Variants in DDR2 observed in about 807,000 individuals in gnomAD.
DDR2 encodes discoidin domain receptor tyrosine kinase 2.
In DDR2, 27 loss-of-function variants were observed where a neutral mutation model predicts 94.9. That is an observed-to-expected ratio of 0.28 (90% CI 0.21 to 0.39). DDR2 has a LOEUF of 0.39. DDR2 is among the 10% of genes least tolerant of loss of function. The pLI is 1.00. For missense variants in DDR2, 783 were observed against 1,076.0 expected (o/e 0.73, Z 3.81); for synonymous variants, 382 against 377.2 (o/e 1.01, Z -0.15).
At chr1:162,661,947 G>C (rs554037621) in intron 2 of DDR2, among the ~76,000 whole-genome samples, 8 of 152,310 alleles carry the variant, frequency 5.3e-5, no homozygotes, top group African/African-American at 1.9e-4. Context: ...AAGGGTTTGT[G>C]AAGAGTCCGG....
intron 7 of DDR2, among the ~76,000 whole-genome samples, chr1:162,758,419 T>G (rs1226692928): frequency 6.6e-6 from 1 of 152,248 alleles, no homozygotes; most frequent in Non-Finnish European, 1.5e-5. Flanking sequence ...TTTATTTTCT[T>G]ATCCCTTCTT....
At chr1:162,677,397 A>G (rs748993752) in intron 2 of DDR2, among the ~76,000 whole-genome samples, 20 of 152,168 alleles carry the variant, frequency 1.3e-4, no homozygotes, top group Non-Finnish European at 2.5e-4. Flanking sequence ...CATTCAATTA[A>G]TATTTTATTT....
At chr1:162,715,812 G>T (rs1462226350) in intron 2 of DDR2, among the ~76,000 whole-genome samples, 1 of 152,156 alleles carries the variant, frequency 6.6e-6, no homozygotes, top group South Asian at 2.1e-4. Flanking sequence ...CATGGTATAG[G>T]TATAATACTT....
intron 16 of DDR2, among the ~76,000 whole-genome samples, chr1:162,778,223 C>T (rs1416707982): frequency 6.6e-6 from 1 of 152,130 alleles, no homozygotes; most frequent in Non-Finnish European, 1.5e-5. Context: ...AAACTAGATT[C>T]CTCTATCTCT....
At chr1:162,677,764 A>G (rs1230175788) in intron 2 of DDR2, among the ~76,000 whole-genome samples, 1 of 152,188 alleles carries the variant, frequency 6.6e-6, no homozygotes. Flanking sequence ...TTGGGCAGTC[A>G]GTGATTTCAG....
intron 9 of DDR2, among the ~76,000 whole-genome samples, chr1:162,764,970 G>A (rs1663923681): frequency 6.6e-6 from 1 of 152,140 alleles, no homozygotes; most frequent in South Asian, 2.1e-4. Flanking sequence ...AGGAAAACAG[G>A]TTTGGTGTTT....
chr1:162,757,437 T>G (rs1663515180), intron 7 of DDR2, among the ~76,000 whole-genome samples: 1 of 152,168 alleles, frequency 6.6e-6, no homozygotes, highest in South Asian at 2.1e-4. Context: ...TTTAGGGGAC[T>G]GTCTGGGAGA....
chr1:162,661,433 C>A lies in DDR2; in HGVS notation c.-28+6059C>A, dbSNP rs576782911. Among the ~76,000 whole-genome samples, 22 of 152,348 alleles carry A rather than the reference C, an allele frequency of 1.4e-4. 1 individual carries two copies. In the South Asian group the frequency reaches 4.4e-3, roughly 30 times the overall value. On this transcript the variant is annotated intron_variant, in intron 2 of 17. Transcript: ENST00000367921. Reference sequence around the variant, plus strand: ...GCCCCACTCTGGCCTATTCACTGGGCAGACTGTATGGGCTTGGAGTCCTTC... The same window carrying A: ...GCCCCACTCTGGCCTATTCACTGGGAAGACTGTATGGGCTTGGAGTCCTTC...
At chr1:162,745,539 A>G (rs1662810891) in intron 3 of DDR2, among the ~76,000 whole-genome samples, 1 of 151,922 alleles carries the variant, frequency 6.6e-6, no homozygotes. Flanking sequence ...ATTATCTTGC[A>G]TGTGGATATC....
intron 3 of DDR2, among the ~76,000 whole-genome samples, chr1:162,746,622 G>T (rs1042408127): frequency 1.3e-5 from 2 of 152,198 alleles, no homozygotes; most frequent in Non-Finnish European, 2.9e-5. Context: ...AGAGAGTGGT[G>T]GTTCTCCCAG....
intron 2 of DDR2, among the ~76,000 whole-genome samples, chr1:162,667,229 G>A (rs1658626434): frequency 6.6e-6 from 1 of 152,094 alleles, no homozygotes; most frequent in Non-Finnish European, 1.5e-5. Flanking sequence ...CTTTTGTACA[G>A]TACTTACTTT....
chr1:162,755,502 C>T (rs1177763647), intron 6 of DDR2, among the ~76,000 whole-genome samples, 162 bp from the exon 7 acceptor site: 1 of 152,218 alleles, frequency 6.6e-6, no homozygotes, highest in African/African-American at 2.4e-5. Flanking sequence ...AGAGTCATTA[C>T]GTTGACTGCC....
intron 3 of DDR2, among the ~76,000 whole-genome samples, chr1:162,745,984 A>T (rs2102101643): frequency 6.6e-6 from 1 of 152,266 alleles, no homozygotes; most frequent in South Asian, 2.1e-4. Context: ...AGTATGGGAC[A>T]CACTTACACC....
At chr1:162,686,220 T>C (rs765849972) in intron 2 of DDR2, among the ~76,000 whole-genome samples, 5 of 152,182 alleles carry the variant, frequency 3.3e-5, no homozygotes, top group Non-Finnish European at 7.3e-5. Context: ...TAAATTTTAT[T>C]TTAAGTTCTG....
intron 3 of DDR2, among the ~76,000 whole-genome samples, chr1:162,720,219 A>T (rs80200255): frequency 0.031 from 4,697 of 152,114 alleles, 122 homozygotes; most frequent in East Asian, 0.14. Context: ...AATTTTATGA[A>T]TTCATAAACT....
At chr1:162,759,090 C>T (rs1663594963) in intron 7 of DDR2, among the ~76,000 whole-genome samples, 1 of 152,162 alleles carries the variant, frequency 6.6e-6, no homozygotes, top group Non-Finnish European at 1.5e-5. Context: ...AAAACTAAAT[C>T]CAATACCTGG....
chr1:162,733,987 T>C (rs1194567957), intron 3 of DDR2, among the ~76,000 whole-genome samples: 1 of 152,248 alleles, frequency 6.6e-6, no homozygotes, highest in African/African-American at 2.4e-5. Context: ...TTGTGCCTAT[T>C]TGATTATGAA....
chr1:162,771,322 A>T (rs1421922197), intron 12 of DDR2, among the ~76,000 whole-genome samples: 4 of 152,198 alleles, frequency 2.6e-5, no homozygotes, highest in African/African-American at 9.6e-5. Flanking sequence ...CCTGAGCTGG[A>T]TGTAGAAGCA....
chr1:162,761,534 C>T (rs954952446), intron 9 of DDR2, 80 bp downstream of exon 9: 1 of 1,606,450 alleles, frequency 6.2e-7, no homozygotes, highest in African/African-American at 1.3e-5. Flanking sequence ...TTCTCATTAG[C>T]AGGTCTCTGA....
Sources: allele counts gnomAD v4.1 joint callset (sites outside exome capture counted in the v4.1 genomes callset), GRCh38; gene constraint gnomAD v4.1.1; transcripts MANE v1.5; gene names NCBI Gene and HGNC (gene_info 2026-07-23, HGNC 2026-07-21).